Variants in PLXNA4 observed in about 807,000 individuals in gnomAD.
PLXNA4 encodes plexin-A4.
A neutral mutation model predicts 191.8 loss-of-function variants in PLXNA4; 44 were observed. That is an observed-to-expected ratio of 0.23 (90% CI 0.18 to 0.29). The LOEUF is 0.29. Ranked by LOEUF, PLXNA4 falls within the 10% of genes least tolerant of loss-of-function variation. PLXNA4 has a pLI of 1.00. For synonymous variants in PLXNA4, 1,082 were observed against 1,009.5 expected (o/e 1.07, Z -1.36); for missense variants, 1,800 against 2,488.8 (o/e 0.72, Z 5.89).
chr7:132,149,465 A>G (rs569677953), intron 25 of PLXNA4, among the ~76,000 whole-genome samples: 1 of 152,292 alleles, frequency 6.6e-6, no homozygotes, highest in African/African-American at 2.4e-5. Context: ...TTATCTCGAA[A>G]TGTACACACA....
intron 3 of PLXNA4, among the ~76,000 whole-genome samples, chr7:132,481,509 CCA>C (rs200527050): frequency 9.2e-5 from 14 of 151,486 alleles, no homozygotes; most frequent in Admixed American, 2.0e-4. Flanking sequence ...AACATTTACC[CCA>C]CCCCCAAAAA....
At chr7:132,289,916 G>C (rs1262489524) in intron 4 of PLXNA4, among the ~76,000 whole-genome samples, 1 of 151,996 alleles carries the variant, frequency 6.6e-6, no homozygotes, top group African/African-American at 2.4e-5. Flanking sequence ...GAATGAATCA[G>C]GCCTGAGTAA....
At chr7:132,524,846 C>T (rs1472010869) in intron 1 of PLXNA4, among the ~76,000 whole-genome samples, 4 of 152,124 alleles carry the variant, frequency 2.6e-5, no homozygotes, top group Non-Finnish European at 5.9e-5. Context: ...GGATTACAGG[C>T]ATGAGCCATT....
intron 1 of PLXNA4, among the ~76,000 whole-genome samples, chr7:132,571,037 A>T (rs1052866852): frequency 1.3e-5 from 2 of 152,174 alleles, no homozygotes; most frequent in African/African-American, 4.8e-5. Context: ...TACTCACCTC[A>T]CAGTGTAGAG....
At chr7:132,439,759 C>G (rs1795617834) in intron 3 of PLXNA4, among the ~76,000 whole-genome samples, 1 of 152,210 alleles carries the variant, frequency 6.6e-6, no homozygotes, top group South Asian at 2.1e-4. Flanking sequence ...TATTTCTACT[C>G]TCTTTTCCCT....
intron 6 of PLXNA4, 97 bp downstream of exon 6, chr7:132,228,249 C>T: frequency 6.5e-7 from 1 of 1,539,278 alleles, no homozygotes; most frequent in South Asian, 1.2e-5. Context: ...CGGGCTTGGC[C>T]CAGTCCTCCA....
chr7:132,499,836 A>G (rs1015169969), intron 2 of PLXNA4, among the ~76,000 whole-genome samples: 1 of 152,262 alleles, frequency 6.6e-6, no homozygotes, highest in African/African-American at 2.4e-5. Context: ...AACAAATCCC[A>G]TTATATTTTG....
chr7:132,305,361 AACACACACACACACAC>A (rs57158164), intron 3 of PLXNA4, among the ~76,000 whole-genome samples: 73 of 131,178 alleles, frequency 5.6e-4, no homozygotes, highest in African/African-American at 1.1e-3. Context: ...GCTTACCAAG[AACACACACACACACAC>A]ACACACACAC....
At position 132,555,701 on chromosome 7, in the gene PLXNA4, TGTC is replaced by T. The variant is rs550527036; in HGVS notation, c.-87+20718_-87+20720del. 5.3e-3 allele frequency among the ~76,000 whole-genome samples: 813 copies of T among 152,356 alleles called. 2 individuals carry two copies. Among genetic ancestry groups the T allele is most frequent in the Middle Eastern group, 0.044 (13 of 294 alleles). ...CAGCTGAGTAGCCAAGGCTTGATGATGTCTGTAAATTACTTTAAAATGCATCAG... is the reference window on the plus strand; with the variant it reads ...CAGCTGAGTAGCCAAGGCTTGATGATTGTAAATTACTTTAAAATGCATCAG... On this transcript the variant is annotated intron_variant, in intron 1 of 31. Transcript: ENST00000321063.
intron 9 of PLXNA4, among the ~76,000 whole-genome samples, chr7:132,212,822 C>G (rs567656428): frequency 2.0e-5 from 3 of 152,254 alleles, no homozygotes; most frequent in Non-Finnish European, 4.4e-5. Context: ...AATCCCTCCT[C>G]CCACACCCCT....
chr7:132,136,397 T>A (rs1191726999), intron 30 of PLXNA4, among the ~76,000 whole-genome samples: 1 of 152,168 alleles, frequency 6.6e-6, no homozygotes, highest in Non-Finnish European at 1.5e-5. Context: ...GGTGAGCCCA[T>A]CTCCAGGAAG....
At chr7:132,337,497 TTTA>T (rs1228390848) in intron 3 of PLXNA4, among the ~76,000 whole-genome samples, 1 of 152,202 alleles carries the variant, frequency 6.6e-6, no homozygotes, top group Non-Finnish European at 1.5e-5. Context: ...AAGGTTGTGC[TTTA>T]TTGTCTTTCG....
intron 25 of PLXNA4, among the ~76,000 whole-genome samples, chr7:132,149,429 A>G (rs1795529228): frequency 6.6e-6 from 1 of 152,138 alleles, no homozygotes. Context: ...GGTACAAATC[A>G]CGTGTAGGTG....
intron 3 of PLXNA4, among the ~76,000 whole-genome samples, chr7:132,305,361 A>AACACACAC (rs57158164): frequency 0.023 from 3,001 of 131,110 alleles, 79 homozygotes; most frequent in South Asian, 0.076. Context: ...GCTTACCAAG[A>AACACACAC]ACACACACAC....
At chr7:132,433,706 C>A (rs1376853127) in intron 3 of PLXNA4, among the ~76,000 whole-genome samples, 1 of 152,128 alleles carries the variant, frequency 6.6e-6, no homozygotes, top group African/African-American at 2.4e-5. Context: ...AAACAGAAGA[C>A]CTGACCTGTG....
At chr7:132,160,660 G>A (rs762936885) in intron 24 of PLXNA4, among the ~76,000 whole-genome samples, 15 of 152,066 alleles carry the variant, frequency 9.9e-5, no homozygotes, top group East Asian at 1.9e-4. Flanking sequence ...CTGGGCTCCC[G>A]AACTCTCCCT....
chr7:132,637,849 C>G (rs1436958778), intron 2 of PLXNA4, among the ~76,000 whole-genome samples: 1 of 152,226 alleles, frequency 6.6e-6, no homozygotes, highest in African/African-American at 2.4e-5. Flanking sequence ...CTGCCCAGGT[C>G]CTGAACTAAT....
chr7:132,310,933 CT>C (rs1563027306), intron 3 of PLXNA4, among the ~76,000 whole-genome samples: 1 of 152,192 alleles, frequency 6.6e-6, no homozygotes, highest in African/African-American at 2.4e-5. Flanking sequence ...GAGGATGCAA[CT>C]TCAACAAGGC....
intron 13 of PLXNA4, among the ~76,000 whole-genome samples, chr7:132,196,664 G>T (rs1245207597): frequency 6.6e-6 from 1 of 152,166 alleles, no homozygotes; most frequent in Non-Finnish European, 1.5e-5. Flanking sequence ...CAGGCTAAAG[G>T]CTTCTAACCC....
Sources: gnomAD v4.1 joint callset for allele counts (sites outside exome capture counted in the v4.1 genomes callset) on GRCh38, gnomAD v4.1.1 for gene constraint, MANE v1.5 for transcripts, NCBI Gene and HGNC (gene_info 2026-07-23, HGNC 2026-07-21) for gene names.